DAPK2: variants seen among roughly 807,000 people sequenced by gnomAD.
DAPK2 encodes death associated protein kinase 2, also known as death-associated protein kinase 2.
A neutral mutation model predicts 44.1 loss-of-function variants in DAPK2; 35 were observed. The observed-to-expected ratio is 0.79, with a 90% confidence interval of 0.61 to 1.05. The LOEUF is 1.05. Ranked by LOEUF, DAPK2 falls within the 50% of genes least tolerant of loss-of-function variation. DAPK2 has a pLI of 0.00. For synonymous variants in DAPK2, 174 were observed against 182.6 expected, an observed-to-expected ratio of 0.95 and a Z score of 0.38; for missense variants, 453 against 483.2, an observed-to-expected ratio of 0.94 and a Z score of 0.59.
intron 1 of DAPK2, among the ~76,000 whole-genome samples, chr15:64,035,340 C>G (rs991136965): frequency 6.6e-6 from 1 of 152,210 alleles, no homozygotes; most frequent in Non-Finnish European, 1.5e-5. Flanking sequence ...GCACCCTCCT[C>G]CTGGGAAACA....
At chr15:64,008,909 G>C (rs1415885331) in intron 1 of DAPK2, among the ~76,000 whole-genome samples, 1 of 152,158 alleles carries the variant, frequency 6.6e-6, no homozygotes, top group Non-Finnish European at 1.5e-5. Flanking sequence ...ATCACCAAGG[G>C]CCTTACAGAT....
At chr15:63,925,328 C>A (rs1057183128) in intron 7 of DAPK2, among the ~76,000 whole-genome samples, 1 of 152,124 alleles carries the variant, frequency 6.6e-6, no homozygotes, top group Middle Eastern at 3.2e-3. Context: ...CCACTCTGGC[C>A]CTCTCTGAAG....
chr15:63,924,137 G>A (rs2079170944), intron 8 of DAPK2, among the ~76,000 whole-genome samples: 1 of 152,162 alleles, frequency 6.6e-6, no homozygotes, highest in Admixed American at 6.5e-5. Context: ...ATCCTGCTGA[G>A]TCTCACCCTC....
Position 63,923,284 on chromosome 15 carries a change from G to C in DAPK2, c.858+1532C>G. ...TGAGAGTGTACTCTCTCAGGTGCTT[G>C]GTCTTCAGCTGGGTGGGCTCTGTCT... On this transcript the variant is annotated intron_variant, in intron 8 of 10. Transcript: ENST00000261891. This position sits in a 1 kb window ranked among gnomAD's most constrained non-coding sequence, Gnocchi z 4.2. The C allele has an allele frequency of 6.5e-7, 1 of 1,535,926 alleles. No homozygotes were observed. The highest frequency in any genetic ancestry group is 8.7e-7 in the Non-Finnish European group (1 of 1,146,736).
chr15:63,956,561 A>G (rs2077728202), intron 3 of DAPK2, among the ~76,000 whole-genome samples: 1 of 151,780 alleles, frequency 6.6e-6, no homozygotes, highest in Admixed American at 6.6e-5. Flanking sequence ...TTGTGGTCAG[A>G]GAAGATACTT....
chr15:64,040,113 G>C lies in DAPK2; in HGVS notation c.92+57C>G, dbSNP rs147068911. On this transcript the variant is annotated intron_variant, in intron 1 of 10. Transcript: ENST00000261891. ...CCAACACCAACTGACAACTGTGCCA[G>C]AAGAAGCATGACTTTGGCTCCCTCG... The C allele has an allele frequency of 1.7e-4, 235 of 1,391,520 alleles. No homozygotes were observed. The African/African-American group carries it at 2.6e-3, about 15-fold the overall frequency. 86.2% of individuals were successfully genotyped at this position (1,391,520 alleles called of 1,614,324 possible).
At chr15:63,929,648 G>T (rs2079456601) in intron 5 of DAPK2, 71 bp from the exon 7 acceptor site, 1 of 1,589,984 alleles carries the variant, frequency 6.3e-7, no homozygotes, top group Middle Eastern at 1.7e-4. Context: ...ACACCCTCAT[G>T]GATCTAAGGG....
intron 4 of DAPK2, chr15:63,936,014 A>G (rs1025639530): frequency 6.6e-6 from 1 of 152,184 alleles, no homozygotes; most frequent in African/African-American, 2.4e-5. Context: ...TTGCTTGCTC[A>G]TTCTTGTGAG....
chr15:63,926,861 C>G (rs769638838), intron 6 of DAPK2, among the ~76,000 whole-genome samples: 29 of 152,232 alleles, frequency 1.9e-4, no homozygotes, highest in Non-Finnish European at 1.0e-4. Flanking sequence ...ACCTTGGACT[C>G]TTCTTTCTAT....
intron 1 of DAPK2, chr15:63,991,351 C>T (rs777889368): frequency 6.6e-6 from 3 of 455,918 alleles, no homozygotes; most frequent in South Asian, 3.1e-5. Flanking sequence ...CAGCCAAGAA[C>T]CTGCAAACAG....
At chr15:64,018,690 T>C (rs1045668390) in intron 1 of DAPK2, among the ~76,000 whole-genome samples, 1 of 152,200 alleles carries the variant, frequency 6.6e-6, no homozygotes, top group Non-Finnish European at 1.5e-5. Context: ...AAGGCCAGGA[T>C]CCTACCTGTA....
chr15:63,971,385 C>T, intron 3 of DAPK2, 38 bp downstream of exon 4: 1 of 1,611,220 alleles, frequency 6.2e-7, no homozygotes, highest in Non-Finnish European at 8.5e-7. Flanking sequence ...GCCTCTTCTT[C>T]CTAAACTTGA....
chr15:64,015,128 G>T lies in DAPK2; in HGVS notation c.92+25042C>A, dbSNP rs142329009. ...AAGTAAATGTAAGGCAGCAGGAAAG[G>T]GTACCGTGTGGTCAGGAGTCTGTGC... is the stretch of plus-strand genomic sequence containing the variant. On this transcript the variant is annotated intron_variant, in intron 1 of 10. Coordinates refer to ENST00000261891, the Ensembl canonical transcript of DAPK2. 2.0e-5 allele frequency among the ~76,000 whole-genome samples: 3 copies of T among 152,248 alleles called. No individual in the cohort carries two copies. In the East Asian group the frequency reaches 5.8e-4, roughly 29 times the overall value.
intron 1 of DAPK2, chr15:63,991,407 A>C (rs1595864320): frequency 2.2e-6 from 1 of 446,334 alleles, no homozygotes; most frequent in South Asian, 1.6e-5. Context: ...CCAGCTAATG[A>C]CCCAGGCCCC....
At chr15:64,028,856 G>A (rs2079929051) in intron 1 of DAPK2, among the ~76,000 whole-genome samples, 1 of 152,090 alleles carries the variant, frequency 6.6e-6, no homozygotes, top group Admixed American at 6.6e-5. Context: ...AGAGAGAAAT[G>A]ACAAAATGTT....
intron 6 of DAPK2, 32 bp from the exon 8 acceptor site, chr15:63,926,125 A>T: frequency 4.5e-6 from 7 of 1,572,640 alleles, no homozygotes; most frequent in Non-Finnish European, 6.0e-6. Context: ...TCAAATAACT[A>T]AGGGAAAGTA....
intron 1 of DAPK2, among the ~76,000 whole-genome samples, chr15:64,003,008 G>C (rs973922370): frequency 1.3e-5 from 2 of 150,234 alleles, no homozygotes; most frequent in Non-Finnish European, 3.0e-5. Context: ...GTGTGTGTGT[G>C]TGTGTGTCGT....
intron 1 of DAPK2, among the ~76,000 whole-genome samples, chr15:63,998,925 ATTGGAAGAAGGCAGC>A (rs1401819523): frequency 6.6e-6 from 1 of 152,180 alleles, no homozygotes; most frequent in Non-Finnish European, 1.5e-5. Context: ...ACCACCAAAT[ATTGGAAGAAGGCAGC>A]TTCCTCGCAA....
intron 4 of DAPK2, among the ~76,000 whole-genome samples, chr15:63,932,292 C>T (rs529358212): frequency 6.6e-6 from 1 of 151,468 alleles, no homozygotes; most frequent in Non-Finnish European, 1.5e-5. Context: ...ATGGAGAAAC[C>T]CTGTCTCAAC....
Sources: gnomAD v4.1 joint callset for allele counts (sites outside exome capture counted in the v4.1 genomes callset) on GRCh38, gnomAD v4.1.1 for gene constraint, Gnocchi (gnomAD v3.1) non-coding constraint, MANE v1.5 for transcripts, NCBI Gene and HGNC (gene_info 2026-07-23, HGNC 2026-07-21) for gene names.